The following NMD3 variants were observed in gnomAD, a reference collection of about 807,000 sequenced individuals.
NMD3 encodes 60S ribosomal export protein NMD3.
NMD3 carries 47 observed loss-of-function variants against 73.1 expected under a neutral mutation model. The ratio of observed to expected loss-of-function variants is 0.64; its 90% CI spans 0.51 to 0.82. NMD3 has a LOEUF of 0.82. Ranked by LOEUF, NMD3 falls within the 40% of genes least tolerant of loss-of-function variation. The pLI is 0.00. For synonymous variants in NMD3, 210 were observed against 194.5 expected, an observed-to-expected ratio of 1.08 and a Z score of -0.66; for missense variants, 554 against 612.5, an observed-to-expected ratio of 0.90 and a Z score of 1.01.
chr3:161,234,978 G>T, intron 6 of NMD3, 123 bp downstream of exon 6: 2 of 1,016,950 alleles, frequency 2.0e-6, no homozygotes, highest in Non-Finnish European at 3.0e-6. Context: ...TTTGGAAATA[G>T]ATCATTATTA....
chr3:161,250,871 A>G lies in NMD3; in HGVS notation c.1473A>G (p.Gln491=). ...TGCTTGAAGACCTTCATATTTCCCAAGATGCCACTGGTGAAGAAGGTGCAT... is the reference window on the plus strand; with the variant it reads ...TGCTTGAAGACCTTCATATTTCCCAGGATGCCACTGGTGAAGAAGGTGCAT... The part of the protein sequence containing the change: ...AEMLEDLHIS[Q]DATGEEGASM... Residue 491 remains glutamine, a synonymous_variant, in exon 16 of 16, where the codon CAA becomes CAG. Transcript: ENST00000351193. 2 of 1,612,820 alleles carry G rather than the reference A, an allele frequency of 1.2e-6. No homozygotes were observed. The highest frequency in any genetic ancestry group is 1.7e-6 in the Non-Finnish European group (2 of 1,179,008).
At chr3:161,248,796 A>G (rs937945867) in intron 13 of NMD3, among the ~76,000 whole-genome samples, 1 of 152,176 alleles carries the variant, frequency 6.6e-6, no homozygotes, top group Non-Finnish European at 1.5e-5. Flanking sequence ...AATCTTTTAG[A>G]ATAAACATTG....
intron 4 of NMD3, among the ~76,000 whole-genome samples, chr3:161,228,829 A>G (rs1171253311): frequency 6.6e-6 from 1 of 152,172 alleles, no homozygotes; most frequent in Admixed American, 6.5e-5. Flanking sequence ...GCAGCGATCA[A>G]AATAGGTGGA....
intron 11 of NMD3, among the ~76,000 whole-genome samples, chr3:161,244,587 T>C (rs559725068): frequency 2.0e-5 from 3 of 152,100 alleles, no homozygotes; most frequent in Non-Finnish European, 4.4e-5. Flanking sequence ...TATCATTTAC[T>C]GTATTTTCTT....
chr3:161,236,315 C>T (rs190734641), intron 7 of NMD3, among the ~76,000 whole-genome samples: 21 of 152,178 alleles, frequency 1.4e-4, no homozygotes, highest in Admixed American at 2.0e-4. Context: ...ACATTCCTGC[C>T]GCCAATATTT....
chr3:161,222,353 T>TTTTTTTTTTTGAGACGGAATC (rs1257474492), intron 2 of NMD3, among the ~76,000 whole-genome samples: 1 of 147,086 alleles, frequency 6.8e-6, no homozygotes, highest in African/African-American at 2.5e-5. Flanking sequence ...TTTTACTTAC[T>TTTTTTTTTTTGAGACGGAATC]TTTTTTTTTT....
chr3:161,243,531 CTTTTA>C (rs1183448795), intron 11 of NMD3, among the ~76,000 whole-genome samples: 1 of 152,116 alleles, frequency 6.6e-6, no homozygotes, highest in African/African-American at 2.4e-5. Context: ...CCTTTTTAGT[CTTTTA>C]TTTAATAATA....
At chr3:161,249,025 A>T (rs1489394348) in intron 13 of NMD3, among the ~76,000 whole-genome samples, 1 of 152,218 alleles carries the variant, frequency 6.6e-6, no homozygotes, top group Non-Finnish European at 1.5e-5. Context: ...AATTTATTAA[A>T]CAAGCGTTCT....
chr3:161,249,794 A>G (rs1475597728), intron 14 of NMD3: 1 of 519,722 alleles, frequency 1.9e-6, no homozygotes, highest in Admixed American at 3.6e-5. Flanking sequence ...AATGTAAACA[A>G]TTCATTTGAA....
At chr3:161,249,767 C>T (rs1737405603) in intron 14 of NMD3, 3 of 577,142 alleles carry the variant, frequency 5.2e-6, no homozygotes, top group Admixed American at 3.2e-5. Context: ...GGTTTATGAC[C>T]TAATAATTGT....
intron 3 of NMD3, among the ~76,000 whole-genome samples, chr3:161,225,670 G>A (rs1736283641): frequency 6.6e-6 from 1 of 152,100 alleles, no homozygotes; most frequent in African/African-American, 2.4e-5. Context: ...ACACAAAACT[G>A]CCTAATGAGT....
rs376329329 is a variant in NMD3 at position 161,221,958 on chromosome 3, CTT to C, written c.-20-7_-20-6del. On this transcript the variant is annotated intron_variant, in intron 1 of 15. Coordinates refer to ENST00000351193, the MANE Select transcript of NMD3 (RefSeq NM_015938.5). The stretch of plus-strand genomic sequence containing the variant: ...AAAGTGATTTAAATCCCAACATTCT[CTT>C]TTTTTTTTTTTTTTTTTTTTTTTTT... The C allele has an allele frequency of 5.5e-3, 4,736 of 862,372 alleles. 1 individual carries two copies. The highest frequency in any genetic ancestry group is 7.8e-3 in the African/African-American group (363 of 46,810). 53.4% of individuals were successfully genotyped at this position (862,372 alleles called of 1,614,324 possible).
At chr3:161,227,683 G>T (rs1221442837) in intron 4 of NMD3, among the ~76,000 whole-genome samples, 1 of 151,846 alleles carries the variant, frequency 6.6e-6, no homozygotes, top group East Asian at 1.9e-4. Context: ...TCCTGACCTC[G>T]TGATCTGCCT....
rs1576850360 is a variant in NMD3, at chr3:161,236,850, T to A, written c.578-1263T>A. 4.6e-5 allele frequency among the ~76,000 whole-genome samples: 7 copies of A among 152,292 alleles called. 1 individual carries two copies. Among genetic ancestry groups the A allele is most frequent in the Admixed American group, 4.6e-4 (7 of 15,292 alleles). On this transcript the variant is annotated intron_variant, in intron 7 of 15. Transcript: ENST00000351193. ...AATGCCTTGGGTCTTCTGTCAAAGA[T>A]CTATTGACTGTAAATGTAATGGTTT... is the stretch of plus-strand genomic sequence containing the variant.
chr3:161,249,895 A>C (rs1275774297), intron 14 of NMD3, among the ~76,000 whole-genome samples: 1 of 152,214 alleles, frequency 6.6e-6, no homozygotes, highest in East Asian at 1.9e-4. Flanking sequence ...GCATCATAGA[A>C]TATGTGGCAC....
At chr3:161,240,720 G>A (rs1411685032) in intron 9 of NMD3, among the ~76,000 whole-genome samples, 1 of 151,506 alleles carries the variant, frequency 6.6e-6, no homozygotes, top group East Asian at 1.9e-4. Context: ...TGTATATGGA[G>A]ACAGGGTCTC....
intron 10 of NMD3, among the ~76,000 whole-genome samples, chr3:161,241,507 G>A (rs1024571735): frequency 6.2e-5 from 9 of 144,150 alleles, no homozygotes; most frequent in Non-Finnish European, 8.9e-5. Context: ...TGCAACCTCC[G>A]CCTCCCAGGT....
At chr3:161,244,114 G>A (rs1296277564) in intron 11 of NMD3, among the ~76,000 whole-genome samples, 2 of 152,136 alleles carry the variant, frequency 1.3e-5, no homozygotes, top group Admixed American at 1.3e-4. Flanking sequence ...TTCCTGAAAT[G>A]CTCGCCTGCA....
intron 3 of NMD3, among the ~76,000 whole-genome samples, chr3:161,225,815 T>C (rs553977304): frequency 4.6e-5 from 7 of 152,192 alleles, no homozygotes; most frequent in African/African-American, 1.4e-4. Context: ...TTTACATACA[T>C]GTATATATAT....
Sources: gnomAD v4.1 joint callset for allele counts (sites outside exome capture counted in the v4.1 genomes callset) on GRCh38, gnomAD v4.1.1 for gene constraint, MANE v1.5 for transcripts, NCBI Gene and HGNC (gene_info 2026-07-23, HGNC 2026-07-21) for gene names.